The following DIAPH2 variants were observed in gnomAD, a reference collection of about 807,000 sequenced individuals.
The protein encoded by DIAPH2 is diaphanous related formin 2.
DIAPH2 carries 35 observed loss-of-function variants against 92.7 expected under a neutral mutation model. The ratio of observed to expected loss-of-function variants is 0.38; its 90% CI spans 0.29 to 0.50. DIAPH2 has a LOEUF of 0.50. Among genes scored for constraint, DIAPH2 ranks in the 20% least tolerant of loss-of-function variants. The pLI is 0.94. For synonymous variants in DIAPH2, 301 were observed against 280.4 expected (o/e 1.07, Z -0.73); for missense variants, 701 against 819.5 (o/e 0.86, Z 1.77).
rs752923703 is a variant in DIAPH2, at chrX:96,849,374, C to T, written c.448-32205C>T. Among the ~76,000 whole-genome samples the T allele has an allele frequency of 2.7e-5, 3 of 111,361 alleles. No homozygotes were observed. In the East Asian group the frequency reaches 8.5e-4, roughly 32 times the overall value. ...AGAGATGGGGTTTCGCCACGTTGAC[C>T]AGGCTGATCTTGAACTCTTGACCTC... On this transcript the variant is annotated intron_variant, in intron 4 of 26. Transcript: ENST00000324765.
At chrX:97,109,043 C>T (rs1301785560) in intron 20 of DIAPH2, among the ~76,000 whole-genome samples, 1 of 111,260 alleles carries the variant, frequency 9.0e-6, no homozygotes, top group Non-Finnish European at 1.9e-5. Flanking sequence ...TCTAATGCAT[C>T]GTGTATAGAT....
intron 4 of DIAPH2, among the ~76,000 whole-genome samples, chrX:96,811,618 T>A (rs2064681930): frequency 1.8e-5 from 2 of 111,692 alleles, no homozygotes. Flanking sequence ...AGGGAATGCT[T>A]CCAGTTTTTG....
intron 25 of DIAPH2, among the ~76,000 whole-genome samples, chrX:97,395,369 G>A (rs2069695154): frequency 1.8e-5 from 2 of 111,903 alleles, no homozygotes; most frequent in Non-Finnish European, 1.9e-5. Context: ...TTACACAGGT[G>A]AAAATGTGCA....
intron 26 of DIAPH2, among the ~76,000 whole-genome samples, chrX:97,582,612 T>G (rs1303392872): frequency 9.2e-6 from 1 of 108,317 alleles, no homozygotes; most frequent in Non-Finnish European, 1.9e-5. Flanking sequence ...TTAACATTTT[T>G]TCCTTCATTT....
chrX:96,886,766 A>G (rs760134374), intron 5 of DIAPH2, among the ~76,000 whole-genome samples: 2 of 111,239 alleles, frequency 1.8e-5, no homozygotes, highest in African/African-American at 6.5e-5. Context: ...AGCAGATACA[A>G]TATTCTTTTG....
intron 4 of DIAPH2, among the ~76,000 whole-genome samples, chrX:96,853,304 A>G (rs1297502161): frequency 8.9e-6 from 1 of 111,964 alleles, no homozygotes; most frequent in East Asian, 2.8e-4. Flanking sequence ...TAAGCCTGTT[A>G]TTATAGACAT....
chrX:96,939,971 A>AT (rs2065694044), intron 12 of DIAPH2, among the ~76,000 whole-genome samples: 1 of 107,388 alleles, frequency 9.3e-6, no homozygotes, highest in Non-Finnish European at 1.9e-5. Context: ...CCCAGGTAAC[A>AT]TTTTTTAAAA....
chrX:96,750,261 C>T (rs1405870678), intron 3 of DIAPH2, among the ~76,000 whole-genome samples: 2 of 110,310 alleles, frequency 1.8e-5, no homozygotes, highest in Non-Finnish European at 3.8e-5. Context: ...CTCCTGACCT[C>T]AGGTGATCCG....
At chrX:97,029,577 A>C in intron 17 of DIAPH2, among the ~76,000 whole-genome samples, 1 of 111,290 alleles carries the variant, frequency 9.0e-6, no homozygotes, top group East Asian at 2.8e-4. Flanking sequence ...TTAATGTCAT[A>C]TTTAAAAAAC....
intron 21 of DIAPH2, among the ~76,000 whole-genome samples, chrX:97,129,112 T>TTTTCTTTTCTTTTCTTTTC (rs1569308074): frequency 4.8e-4 from 37 of 76,898 alleles, no homozygotes; most frequent in African/African-American, 2.1e-3. Context: ...TTTTCTTTTC[T>TTTTCTTTTCTTTTCTTTTC]TTTCTTTTCT....
intron 1 of DIAPH2, among the ~76,000 whole-genome samples, chrX:96,720,092 A>T (rs1429997284): frequency 9.0e-6 from 1 of 111,672 alleles, no homozygotes; most frequent in African/African-American, 3.2e-5. Flanking sequence ...TCAATCTGAC[A>T]GTCTCCTTTT....
At chrX:96,816,125 A>G (rs777343583) in intron 4 of DIAPH2, among the ~76,000 whole-genome samples, 1 of 112,421 alleles carries the variant, frequency 8.9e-6, no homozygotes, top group African/African-American at 3.2e-5. Flanking sequence ...AAAGTTAGCT[A>G]TGTTCACTCA....
intron 1 of DIAPH2, among the ~76,000 whole-genome samples, chrX:96,694,312 G>A (rs1355896437): frequency 9.1e-6 from 1 of 109,771 alleles, no homozygotes; most frequent in African/African-American, 3.3e-5. Context: ...TTGTTTCACA[G>A]AGTTTTATAT....
At chrX:97,082,529 G>A (rs918760826) in intron 19 of DIAPH2, among the ~76,000 whole-genome samples, 6 of 110,287 alleles carry the variant, frequency 5.4e-5, no homozygotes, top group African/African-American at 2.0e-4. Flanking sequence ...CTACTCGGGA[G>A]GCTGAGGCAG....
chrX:96,952,089 A>T (rs1436253871), intron 15 of DIAPH2, among the ~76,000 whole-genome samples: 2 of 111,811 alleles, frequency 1.8e-5, no homozygotes, highest in Admixed American at 1.9e-4. Flanking sequence ...TTTTGCCACA[A>T]TTACTTTTAT....
chrX:97,317,952 C>T (rs1017117996), intron 23 of DIAPH2, among the ~76,000 whole-genome samples: 14 of 111,800 alleles, frequency 1.3e-4, no homozygotes, highest in African/African-American at 4.5e-4. Flanking sequence ...GTGCATTTAT[C>T]ATTTCTTTGC....
At chrX:96,928,214 A>G (rs1249013050) in intron 9 of DIAPH2, among the ~76,000 whole-genome samples, 2 of 111,220 alleles carry the variant, frequency 1.8e-5, no homozygotes, top group Non-Finnish European at 3.8e-5. Flanking sequence ...CATCTGTAAA[A>G]TAAGGATAAC....
chrX:96,801,530 T>C (rs2064582474), intron 4 of DIAPH2, among the ~76,000 whole-genome samples: 1 of 111,479 alleles, frequency 9.0e-6, no homozygotes, highest in African/African-American at 3.3e-5. Context: ...ATGAAACTTT[T>C]AGATAAAACA....
chrX:96,941,886 G>A (rs2065707260), intron 12 of DIAPH2, 132 bp from the exon 13 acceptor site: 3 of 450,401 alleles, frequency 6.7e-6, no homozygotes, highest in Non-Finnish European at 1.2e-5. Context: ...CTAAGAAAGT[G>A]TAGTGGCTGC....
Sources: gnomAD v4.1 joint callset for allele counts (sites outside exome capture counted in the v4.1 genomes callset) on GRCh38, gnomAD v4.1.1 for gene constraint, MANE v1.5 for transcripts, NCBI Gene and HGNC (gene_info 2026-07-23, HGNC 2026-07-21) for gene names.